Variants in ATP11C observed in about 807,000 individuals in gnomAD.
ATP11C encodes ATPase phospholipid transporting 11C (ATP11C blood group).
In ATP11C, 36 loss-of-function variants were observed where a neutral mutation model predicts 97.4. The ratio of observed to expected loss-of-function variants is 0.37; its 90% CI spans 0.28 to 0.49. The LOEUF is 0.49. Among genes scored for constraint, ATP11C ranks in the 20% least tolerant of loss-of-function variants. The pLI, the probability that ATP11C is intolerant of heterozygous loss-of-function variation, is 0.98. For missense variants in ATP11C, 730 were observed against 824.6 expected (o/e 0.89, Z 1.40); for synonymous variants, 275 against 290.9 (o/e 0.95, Z 0.56).
At chrX:139,736,075 T>C (rs1263431913) in intron 28 of ATP11C, among the ~76,000 whole-genome samples, 2 of 111,802 alleles carry the variant, frequency 1.8e-5, no homozygotes, top group Non-Finnish European at 3.8e-5. Flanking sequence ...CCATAACAAA[T>C]TTCATGCTAA....
At chrX:139,826,636 A>C in intron 2 of ATP11C, 68 bp downstream of exon 2, 1 of 1,009,751 alleles carries the variant, frequency 9.9e-7, no homozygotes, top group Non-Finnish European at 1.4e-6. Flanking sequence ...GTTTCCTCAG[A>C]AGCACAAATT....
intron 29 of ATP11C, among the ~76,000 whole-genome samples, chrX:139,729,314 T>C (rs1187284283): frequency 9.0e-6 from 1 of 111,582 alleles, no homozygotes; most frequent in African/African-American, 3.3e-5. Flanking sequence ...AGGAACATTT[T>C]ATTTACCTTC....
intron 3 of ATP11C, 53 bp downstream of exon 3, chrX:139,819,285 G>C: frequency 1.9e-6 from 1 of 531,827 alleles, no homozygotes; most frequent in Non-Finnish European, 2.9e-6. Context: ...TTGAAAATTC[G>C]TTTAAAGCAA....
intron 1 of ATP11C, among the ~76,000 whole-genome samples, chrX:139,842,508 C>T (rs1441938028): frequency 8.9e-6 from 1 of 112,675 alleles, no homozygotes; most frequent in Non-Finnish European, 1.9e-5. Context: ...TGAGCTAGGG[C>T]TGTATCAATT....
At chrX:139,849,771 GAT>G (rs1363101887) in intron 1 of ATP11C, among the ~76,000 whole-genome samples, 2 of 112,686 alleles carry the variant, frequency 1.8e-5, no homozygotes, top group Non-Finnish European at 3.7e-5. Context: ...GGTATTAAGA[GAT>G]AGGACCGGAA....
At chrX:139,886,482 G>A (rs776038302) in intron 1 of ATP11C, among the ~76,000 whole-genome samples, 2 of 108,342 alleles carry the variant, frequency 1.8e-5, no homozygotes, top group Non-Finnish European at 3.8e-5. Context: ...CCAGTTACTC[G>A]GGAGGCTGAG....
chrX:139,839,278 A>G (rs1169243259), intron 1 of ATP11C, among the ~76,000 whole-genome samples: 3 of 111,964 alleles, frequency 2.7e-5, no homozygotes, highest in African/African-American at 9.7e-5. Context: ...TTAAGGAGAT[A>G]AAAATGTTCC....
chrX:139,816,946 A>T lies in ATP11C; in HGVS notation c.238-3T>A, dbSNP rs377524453. 8.6e-6 allele frequency: 10 copies of T among 1,156,911 alleles called. No homozygotes were observed. The African/African-American group carries it at 1.6e-4, about 19-fold the overall frequency. Reference sequence around the variant, plus strand: ...CTAGTTGGTGTGTCTACTGTGACCTAGGTAAATAAAATTAAATTGAAAGTA... The same window carrying T: ...CTAGTTGGTGTGTCTACTGTGACCTTGGTAAATAAAATTAAATTGAAAGTA... On this transcript the variant is annotated splice_region_variant and splice_polypyrimidine_tract_variant and intron_variant, in intron 3 of 29. Transcript: ENST00000682941.
chrX:139,870,936 G>A (rs1013508854), intron 1 of ATP11C, among the ~76,000 whole-genome samples: 2 of 107,712 alleles, frequency 1.9e-5, no homozygotes, highest in Non-Finnish European at 3.8e-5. Flanking sequence ...GGCGCCTGTA[G>A]TCCCAGCTAC....
chrX:139,752,634 G>C (rs960459136), intron 23 of ATP11C, among the ~76,000 whole-genome samples: 3 of 111,701 alleles, frequency 2.7e-5, no homozygotes, highest in African/African-American at 9.8e-5. Context: ...ATTTCCACCA[G>C]AACAAGCCAA....
At chrX:139,907,747 CA>C (rs376659448) in intron 1 of ATP11C, among the ~76,000 whole-genome samples, 5 of 99,153 alleles carry the variant, frequency 5.0e-5, no homozygotes, top group African/African-American at 7.4e-5. Flanking sequence ...CACTCTGTCT[CA>C]AAAAAAAAAG....
intron 1 of ATP11C, among the ~76,000 whole-genome samples, chrX:139,902,702 G>A (rs937421376): frequency 1.8e-5 from 2 of 110,934 alleles, no homozygotes; most frequent in African/African-American, 6.6e-5. Context: ...TATATTGCCT[G>A]GTGGTAAAAA....
At chrX:139,926,241 G>A (rs1473962285) in intron 1 of ATP11C, among the ~76,000 whole-genome samples, 2 of 111,600 alleles carry the variant, frequency 1.8e-5, no homozygotes, top group Admixed American at 1.9e-4. Context: ...GGTTCCAGAT[G>A]TAAAAGGTTC....
At chrX:139,790,827 T>C (rs1048787585) in intron 12 of ATP11C, among the ~76,000 whole-genome samples, 4 of 111,787 alleles carry the variant, frequency 3.6e-5, no homozygotes, top group African/African-American at 9.7e-5. Flanking sequence ...AGATAAAGTA[T>C]AACACAAGTA....
At chrX:139,931,120 G>A (rs998395152) in intron 1 of ATP11C, among the ~76,000 whole-genome samples, 10 of 112,170 alleles carry the variant, frequency 8.9e-5, no homozygotes, top group African/African-American at 3.2e-4. Context: ...TAGCAGCACG[G>A]AACGTAAATG....
chrX:139,768,511 C>CA, intron 19 of ATP11C, 77 bp from the exon 20 acceptor site: 3 of 765,938 alleles, frequency 3.9e-6, no homozygotes, highest in Non-Finnish European at 5.3e-6. Context: ...TTTTAAACAA[C>CA]AAAGGGGGTG....
chrX:139,811,563 C>CTTT (rs373554418), intron 5 of ATP11C, among the ~76,000 whole-genome samples: 2 of 103,809 alleles, frequency 1.9e-5, no homozygotes, highest in Admixed American at 1.0e-4. Context: ...CTTAATTATT[C>CTTT]TTTTTTTTTT....
intron 1 of ATP11C, among the ~76,000 whole-genome samples, chrX:139,876,273 T>A (rs1205146657): frequency 3.6e-5 from 4 of 111,981 alleles, no homozygotes; most frequent in African/African-American, 1.3e-4. Context: ...AAAACAAAAA[T>A]GGTGTGTTTT....
chrX:139,897,593 C>A (rs1057467247), intron 1 of ATP11C, among the ~76,000 whole-genome samples: 7 of 108,819 alleles, frequency 6.4e-5, no homozygotes, highest in Non-Finnish European at 1.3e-4. Context: ...ATTACTTGAA[C>A]CTGGGAGGAG....
Sources: allele counts gnomAD v4.1 joint callset (sites outside exome capture counted in the v4.1 genomes callset), GRCh38; gene constraint gnomAD v4.1.1; transcripts MANE v1.5; gene names NCBI Gene and HGNC (gene_info 2026-07-23, HGNC 2026-07-21).